SMAD6: variants seen among roughly 807,000 people sequenced by gnomAD.
SMAD6 encodes the protein MAD homolog 6.
In SMAD6, 103 loss-of-function variants were observed where a neutral mutation model predicts 39.4. That is an observed-to-expected ratio of 2.62 (90% confidence interval 2.23 to 3.08). The LOEUF (loss-of-function observed/expected upper bound fraction) is 3.08. SMAD6 is among the 30% of genes most tolerant of loss of function. SMAD6 has a pLI of 0.00. For synonymous variants in SMAD6, 445 were observed against 353.3 expected, an observed-to-expected ratio of 1.26 and a Z score of -2.91; for missense variants, 1,104 against 742.9, an observed-to-expected ratio of 1.49 and a Z score of -5.65.
intron 3 of SMAD6, among the ~76,000 whole-genome samples, chr15:66,771,099 T>A (rs1008200241): frequency 2.0e-5 from 3 of 152,106 alleles, no homozygotes; most frequent in African/African-American, 7.2e-5. Flanking sequence ...TGGGAGACGA[T>A]CTCTTTGGCA....
intron 3 of SMAD6, among the ~76,000 whole-genome samples, chr15:66,766,218 G>C (rs978681840): frequency 5.3e-5 from 8 of 152,188 alleles, no homozygotes; most frequent in South Asian, 2.1e-4. Context: ...GGGGGCAGGG[G>C]GCAGGCGCCA....
chr15:66,755,555 A>G (rs1207847757), intron 3 of SMAD6, among the ~76,000 whole-genome samples: 1 of 152,142 alleles, frequency 6.6e-6, no homozygotes, highest in Non-Finnish European at 1.5e-5. Context: ...GATTTTAGCT[A>G]TGAAGGGAGA....
intron 3 of SMAD6, 138 bp from the exon 4 acceptor site, chr15:66,780,859 A>C (rs1894546008): frequency 1.3e-6 from 1 of 761,702 alleles, no homozygotes; most frequent in African/African-American, 1.8e-5. Context: ...AACCTGGCAC[A>C]CGGTGCCCAC....
At chr15:66,748,704 C>G (rs1026964832) in intron 3 of SMAD6, among the ~76,000 whole-genome samples, 2 of 152,216 alleles carry the variant, frequency 1.3e-5, no homozygotes, top group African/African-American at 4.8e-5. Context: ...TTCCTACTCT[C>G]CTGCCCTTCC....
intron 3 of SMAD6, among the ~76,000 whole-genome samples, chr15:66,752,199 G>A (rs1178056752): frequency 6.6e-6 from 1 of 152,132 alleles, no homozygotes; most frequent in East Asian, 1.9e-4. Flanking sequence ...AGGACTCTGG[G>A]ACTCTCATAG....
At chr15:66,717,154 T>G in intron 3 of SMAD6, 1 of 1,286,596 alleles carries the variant, frequency 7.8e-7, no homozygotes. Context: ...GGTGTTGGAC[T>G]GGGGACATCG....
Position 66,747,372 on chromosome 15 carries a change from C to G in SMAD6, c.952+30874C>G, listed in dbSNP as rs770093573. 1.1e-4 allele frequency among the ~76,000 whole-genome samples: 16 copies of G among 152,254 alleles called. No homozygotes were observed. The highest frequency in any genetic ancestry group is 4.6e-4 in the Admixed American group (7 of 15,288). ...AGCCTGGCTTTGATTTGGACTGCCT[C>G]CGTCAGCAGGAGGCTCTGGCCAGAC... On this transcript the variant is annotated intron_variant, in intron 3 of 3. Transcript: ENST00000288840. This position sits in a 1 kb window ranked among gnomAD's most constrained non-coding sequence, Gnocchi z 4.5.
Position 66,739,845 on chromosome 15 carries a change from G to A in SMAD6, c.952+23347G>A, listed in dbSNP as rs551469177. On this transcript the variant is annotated intron_variant, in intron 3 of 3. Transcript: ENST00000288840. ...TTTAAGAGATGGGCCTCGCTTTGTT[G>A]CCCAGGGTAGCCTCGAACTATGAGG... Among the ~76,000 whole-genome samples the A allele has an allele frequency of 2.0e-5, 3 of 152,170 alleles. No individual in the cohort carries two copies. In the South Asian group the frequency reaches 6.2e-4, roughly 32 times the overall value.
intron 2 of SMAD6, among the ~76,000 whole-genome samples, chr15:66,713,484 T>G (rs1304811591): frequency 6.6e-6 from 1 of 152,176 alleles, no homozygotes; most frequent in Non-Finnish European, 1.5e-5. Context: ...CACGCCTGGC[T>G]AATTTTTGTA....
Position 66,781,219 on chromosome 15 carries a change from T to C in SMAD6, c.1175T>C (p.Leu392Pro), listed in dbSNP as rs1265396527. ...RTRSKIGFGILLSKEPDGVWA... is the reference protein window; with the variant it reads ...RTRSKIGFGIPLSKEPDGVWA... ...CGCAGCAAGATCGGCTTCGGCATCC[T>C]GCTCAGCAAGGAGCCCGACGGCGTG... The change falls in exon 4 of 4, where the codon CTG becomes CCG. Residue 392 changes from leucine (L) to proline (P), a missense_variant. Leu to Pro is a moderately conservative substitution (Grantham distance 98, BLOSUM62 -3). Transcript: ENST00000288840. 4 of 1,608,752 alleles carry C rather than the reference T, an allele frequency of 2.5e-6. No individual in the cohort carries two copies. The highest frequency in any genetic ancestry group is 2.5e-6 in the Non-Finnish European group (3 of 1,179,708).
Position 66,781,125 on chromosome 15 carries a change from C to G in SMAD6, c.1081C>G (p.Pro361Ala). 6.2e-7 allele frequency: 1 copy of G among 1,608,970 alleles called. No individual in the cohort carries two copies. Among genetic ancestry groups the G allele is most frequent in the South Asian group, 1.1e-5 (1 of 91,040 alleles). Residue 361 changes from proline to alanine, a missense_variant, in exon 4 of 4, where the codon CCT becomes GCT. Pro to Ala is a conservative substitution (Grantham distance 27, BLOSUM62 -1). Coordinates refer to ENST00000288840, the MANE Select transcript of SMAD6 (RefSeq NM_005585.5). ...DQAVSIFYDL[P>A]QGSGFCLGQL... ...GGCCGTCAGCATCTTCTACGACCTA[C>G]CTCAGGGCAGCGGCTTCTGCCTGGG...
chr15:66,781,069 G>C lies in SMAD6; in HGVS notation c.1025G>C (p.Arg342Pro), dbSNP rs757635348. The C allele has an allele frequency of 6.2e-7, 1 of 1,604,844 alleles. No individual in the cohort carries two copies. Among genetic ancestry groups the C allele is most frequent in the East Asian group, 2.2e-5 (1 of 44,660 alleles). Residue 342 changes from arginine to proline, a missense_variant, in exon 4 of 4, where the codon CGC (arginine) becomes CCC (proline). Physicochemically the swap from Arg to Pro is moderately radical, Grantham distance 103. Coordinates refer to ENST00000288840, the MANE Select transcript of SMAD6 (RefSeq NM_005585.5). The part of the protein sequence containing the change: ...CSVAYWEHRT[R>P]VGRLYAVYDQ... ...GTGGCGTACTGGGAGCACCGGACGCGCGTGGGCCGCCTCTATGCGGTGTAC... is the reference window on the plus strand; with the variant it reads ...GTGGCGTACTGGGAGCACCGGACGCCCGTGGGCCGCCTCTATGCGGTGTAC...
Position 66,716,427 on chromosome 15 carries a change from C to A in SMAD6, c.881C>A (p.Ser294Tyr). The A allele has an allele frequency of 6.2e-7, 1 of 1,612,510 alleles. No homozygotes were observed. The highest frequency in any genetic ancestry group is 8.5e-7 in the Non-Finnish European group (1 of 1,178,466). ...TTTTTCTTTCCTCCCACAGATCTGTCCGATTCCACATTGTCTTACACTGAA... is the reference window on the plus strand; with the variant it reads ...TTTTTCTTTCCTCCCACAGATCTGTACGATTCCACATTGTCTTACACTGAA... ...PRDEYKPLDL[S>Y]DSTLSYTETE... The change falls in exon 3 of 4, where the codon TCC (serine) becomes TAC (tyrosine). Residue 294 changes from serine to tyrosine, a missense_variant. Ser to Tyr is a moderately radical substitution (Grantham distance 144, BLOSUM62 -2). Coordinates refer to ENST00000288840, the MANE Select transcript of SMAD6 (RefSeq NM_005585.5).
In SMAD6 at chr15:66,781,137, G is replaced by C; in HGVS notation, c.1093G>C (p.Gly365Arg). Residue 365 changes from glycine to arginine, a missense_variant, in exon 4 of 4, where the codon GGC (glycine) becomes CGC (arginine). Coordinates refer to ENST00000288840, the MANE Select transcript of SMAD6 (RefSeq NM_005585.5). ...SIFYDLPQGS[G>R]FCLGQLNLEQ... ...CTTCTACGACCTACCTCAGGGCAGCGGCTTCTGCCTGGGCCAGCTCAACCT... is the reference window on the plus strand; with the variant it reads ...CTTCTACGACCTACCTCAGGGCAGCCGCTTCTGCCTGGGCCAGCTCAACCT... The C allele has an allele frequency of 6.2e-7, 1 of 1,608,580 alleles. No individual in the cohort carries two copies. The highest frequency in any genetic ancestry group is 8.5e-7 in the Non-Finnish European group (1 of 1,179,764).
At chr15:66,731,539 T>G (rs1893629954) in intron 3 of SMAD6, among the ~76,000 whole-genome samples, 1 of 152,278 alleles carries the variant, frequency 6.6e-6, no homozygotes. Context: ...TCTATAGTTT[T>G]GCTTTTTCCA....
At chr15:66,749,153 C>T (rs759959164) in intron 3 of SMAD6, among the ~76,000 whole-genome samples, 13 of 152,000 alleles carry the variant, frequency 8.6e-5, no homozygotes, top group East Asian at 5.8e-4. Flanking sequence ...GGCAAAACCC[C>T]GTCTCTACAA....
chr15:66,753,459 C>T (rs1894043133), intron 3 of SMAD6, among the ~76,000 whole-genome samples: 1 of 152,202 alleles, frequency 6.6e-6, no homozygotes, highest in Non-Finnish European at 1.5e-5. Flanking sequence ...TCTGTTCCCT[C>T]CTGCCTCGGC....
intron 3 of SMAD6, among the ~76,000 whole-genome samples, chr15:66,772,353 T>C (rs1028533686): frequency 5.3e-5 from 8 of 152,206 alleles, no homozygotes; most frequent in African/African-American, 1.9e-4. Flanking sequence ...TTTAAAGGGT[T>C]TCAGACACTG....
intron 3 of SMAD6, among the ~76,000 whole-genome samples, chr15:66,726,963 A>T (rs1322266915): frequency 1.3e-5 from 2 of 152,042 alleles, no homozygotes; most frequent in Non-Finnish European, 2.9e-5. Context: ...CAGAGCCCCC[A>T]GACTGTCTCC....
Sources: allele counts gnomAD v4.1 joint callset (sites outside exome capture counted in the v4.1 genomes callset), GRCh38; gene constraint gnomAD v4.1.1; non-coding constraint Gnocchi (gnomAD v3.1); transcripts MANE v1.5; gene names NCBI Gene and HGNC (gene_info 2026-07-23, HGNC 2026-07-21).